EPC1: variants seen among roughly 807,000 people sequenced by gnomAD.
EPC1 encodes enhancer of polycomb homolog 1.
Under a neutral mutation model 98.4 loss-of-function variants are expected in EPC1, and 12 were observed. The ratio of observed to expected loss-of-function variants is 0.12; its 90% CI spans 0.08 to 0.20. The LOEUF is 0.20. EPC1 is among the 10% of genes least tolerant of loss of function. The pLI, the probability that EPC1 is intolerant of heterozygous loss-of-function variation, is 1.00. For missense variants in EPC1, 729 were observed against 990.5 expected (o/e 0.74, Z 3.54); for synonymous variants, 357 against 363.9 (o/e 0.98, Z 0.21).
chr10:32,278,323 T>C (rs1239687268), intron 10 of EPC1, among the ~76,000 whole-genome samples: 1 of 151,262 alleles, frequency 6.6e-6, no homozygotes, highest in Non-Finnish European at 1.5e-5. Flanking sequence ...ATTATAGGCG[T>C]GAACCACAGC....
intron 1 of EPC1, among the ~76,000 whole-genome samples, chr10:32,311,266 T>C (rs554543824): frequency 6.6e-6 from 1 of 151,292 alleles, no homozygotes; most frequent in East Asian, 1.9e-4. Flanking sequence ...TGAGCCGAGA[T>C]TGCACCGCTG....
intron 1 of EPC1, among the ~76,000 whole-genome samples, chr10:32,331,405 A>G (rs1837632748): frequency 6.6e-6 from 1 of 152,058 alleles, no homozygotes; most frequent in African/African-American, 2.4e-5. Flanking sequence ...TATGGTAACT[A>G]CAACTAAAAT....
At chr10:32,352,221 T>A (rs891196121) in intron 1 of EPC1, among the ~76,000 whole-genome samples, 15 of 151,066 alleles carry the variant, frequency 9.9e-5, no homozygotes, top group African/African-American at 3.4e-4. Context: ...ATTTTTTTTT[T>A]AATTTTTAGT....
intron 6 of EPC1, among the ~76,000 whole-genome samples, chr10:32,290,487 A>G (rs1297328596): frequency 4.7e-5 from 3 of 64,498 alleles, no homozygotes; most frequent in African/African-American, 1.2e-4. Context: ...CTCTGTCAAA[A>G]AAAAAAAAAA....
rs1010346631 is a variant in EPC1 at position 32,268,424 on chromosome 10, T to TA, written c.*638dup. ...CATTTAATAGTACATTCCCCATTTTTAAAAAAACTGATGCCTTTTTTTTTT... is the reference window on the plus strand; with the variant it reads ...CATTTAATAGTACATTCCCCATTTTTAAAAAAAACTGATGCCTTTTTTTTTT... On this transcript the variant is annotated 3_prime_UTR_variant, in exon 14 of 14. Coordinates refer to ENST00000319778, the MANE Select transcript of EPC1 (RefSeq NM_001272004.3). The TA allele has an allele frequency of 4.9e-5, 7 of 142,074 alleles. No homozygotes were observed. Among genetic ancestry groups the TA allele is most frequent in the African/African-American group, 7.8e-5 (3 of 38,656 alleles). 8.8% of individuals were successfully genotyped at this position (142,074 alleles called of 1,614,324 possible).
intron 11 of EPC1, chr10:32,272,933 C>G: frequency 8.5e-7 from 1 of 1,170,558 alleles, no homozygotes; most frequent in Non-Finnish European, 1.3e-6. Context: ...GACGGGAAGA[C>G]AGTATCTTCA....
intron 1 of EPC1, among the ~76,000 whole-genome samples, chr10:32,330,833 C>A (rs1415465534): frequency 6.6e-6 from 1 of 151,720 alleles, no homozygotes; most frequent in Non-Finnish European, 1.5e-5. Context: ...GGGAAAAAAA[C>A]CCCAGTCATA....
chr10:32,353,274 A>G, intron 1 of EPC1, among the ~76,000 whole-genome samples: 1 of 152,164 alleles, frequency 6.6e-6, no homozygotes, highest in East Asian at 1.9e-4. Flanking sequence ...AGGGTTGGTA[A>G]TGAAGGGCAA....
At chr10:32,351,807 T>G (rs1300948638), upstream of EPC1, among the ~76,000 whole-genome samples, 16 of 147,556 alleles carry the variant, frequency 1.1e-4, no homozygotes, top group East Asian at 3.4e-3. Context: ...CTCGGCTCAC[T>G]GCAACCTCCA....
intron 1 of EPC1, among the ~76,000 whole-genome samples, chr10:32,329,427 A>C (rs1361061017): frequency 6.6e-6 from 1 of 152,198 alleles, no homozygotes; most frequent in Non-Finnish European, 1.5e-5. Context: ...AACCATACCT[A>C]TCCTAATAAA....
chr10:32,297,998 C>T (rs867596091), intron 2 of EPC1, among the ~76,000 whole-genome samples: 13 of 152,078 alleles, frequency 8.5e-5, no homozygotes, highest in African/African-American at 2.7e-4. Context: ...GGGGTTTCAC[C>T]GTGTTAGCCA....
At chr10:32,368,882 T>C (rs1350730388) in intron 1 of EPC1, among the ~76,000 whole-genome samples, 1 of 152,202 alleles carries the variant, frequency 6.6e-6, no homozygotes, top group East Asian at 1.9e-4. Flanking sequence ...ACTCATTGTG[T>C]TCTCTCAACA....
chr10:32,281,054 A>G (rs1836386339), intron 10 of EPC1, among the ~76,000 whole-genome samples: 1 of 152,052 alleles, frequency 6.6e-6, no homozygotes, highest in Admixed American at 6.6e-5. Context: ...ATTTATTTTG[A>G]GATGGAGTCT....
chr10:32,320,952 A>G (rs1334426581), intron 1 of EPC1, among the ~76,000 whole-genome samples: 1 of 152,206 alleles, frequency 6.6e-6, no homozygotes, highest in South Asian at 2.1e-4. Context: ...TTATAGTACC[A>G]TTCTCCTCCA....
intron 1 of EPC1, among the ~76,000 whole-genome samples, chr10:32,359,546 T>C (rs1839378702): frequency 6.6e-6 from 1 of 152,226 alleles, no homozygotes; most frequent in African/African-American, 2.4e-5. Flanking sequence ...ACCTAGGTTG[T>C]TGCAAGCATT....
At chr10:32,299,436 T>G (rs1490563225) in intron 2 of EPC1, among the ~76,000 whole-genome samples, 5 of 152,160 alleles carry the variant, frequency 3.3e-5, no homozygotes, top group African/African-American at 1.2e-4. Flanking sequence ...CCCGCCCACC[T>G]TGGCCTCCCA....
At chr10:32,324,030 G>C (rs1837106149) in intron 1 of EPC1, among the ~76,000 whole-genome samples, 1 of 152,028 alleles carries the variant, frequency 6.6e-6, no homozygotes, top group Non-Finnish European at 1.5e-5. Flanking sequence ...CCGCCTCCTA[G>C]GTTCACGTCA....
chr10:32,339,706 C>A (rs1435724169), intron 1 of EPC1, among the ~76,000 whole-genome samples: 1 of 152,030 alleles, frequency 6.6e-6, no homozygotes, highest in Non-Finnish European at 1.5e-5. Flanking sequence ...AAAGCAAGGC[C>A]GTTCTAAAAA....
At chr10:32,348,353 A>G (rs891047060), upstream of EPC1, among the ~76,000 whole-genome samples, 4 of 152,164 alleles carry the variant, frequency 2.6e-5, no homozygotes, top group African/African-American at 4.8e-5. Flanking sequence ...TTTGTATCTT[A>G]GTGCACAATT....
Sources: gnomAD v4.1 joint callset for allele counts (sites outside exome capture counted in the v4.1 genomes callset) on GRCh38, gnomAD v4.1.1 for gene constraint, MANE v1.5 for transcripts, NCBI Gene and HGNC (gene_info 2026-07-23, HGNC 2026-07-21) for gene names.